ADCY7: variants seen among roughly 807,000 people sequenced by gnomAD.
The protein encoded by ADCY7 is adenylate cyclase 7.
A neutral mutation model predicts 120.6 loss-of-function variants in ADCY7; 72 were observed. The ratio of observed to expected loss-of-function variants is 0.60; its 90% CI spans 0.49 to 0.73. ADCY7 has a LOEUF of 0.73. Ranked by LOEUF, ADCY7 falls within the 30% of genes least tolerant of loss-of-function variation. The pLI, the probability that ADCY7 is intolerant of heterozygous loss-of-function variation, is 0.00. For synonymous variants in ADCY7, 661 were observed against 628.0 expected (o/e 1.05, Z -0.78); for missense variants, 1,227 against 1,486.0 (o/e 0.83, Z 2.87).
intron 18 of ADCY7, among the ~76,000 whole-genome samples, chr16:50,310,114 C>T (rs2036353192): frequency 6.6e-6 from 1 of 152,182 alleles, no homozygotes; most frequent in Non-Finnish European, 1.5e-5. Context: ...GTGCAGTGAG[C>T]TGGGCTCTAA....
chr16:50,305,008 A>C, intron 12 of ADCY7, 49 bp downstream of exon 12: 1 of 1,609,660 alleles, frequency 6.2e-7, no homozygotes, highest in Non-Finnish European at 8.5e-7. Context: ...CACCTCCTCC[A>C]AGCAGGCTGC....
chr16:50,299,525 G>A (rs540649426), intron 8 of ADCY7, among the ~76,000 whole-genome samples: 329 of 152,338 alleles, frequency 2.2e-3, no homozygotes, highest in Admixed American at 7.5e-3. Flanking sequence ...GGAATTTGCC[G>A]AGAGGGCTGT....
intron 23 of ADCY7, 42 bp from the exon 24 acceptor site, chr16:50,314,250 G>A (rs2036658449): frequency 1.9e-6 from 3 of 1,588,200 alleles, no homozygotes; most frequent in East Asian, 2.2e-5. Flanking sequence ...AGGTCTGGGG[G>A]CTCTGGAGAT....
In ADCY7 at chr16:50,314,831, G is replaced by C. The variant is rs566228821; in HGVS notation, c.2972-183G>C. 25 of 682,630 alleles carry C rather than the reference G, an allele frequency of 3.7e-5. No individual in the cohort carries two copies. The South Asian group carries it at 4.2e-4, about 11-fold the overall frequency. The allele number at this position is 682,630 out of a possible 1,614,324, so 42.3% of individuals were successfully genotyped here. A position where few individuals can be genotyped will look rare whatever the true frequency, so the allele number is the denominator to read the frequency against. On this transcript the variant is annotated intron_variant, in intron 24 of 25. Transcript: ENST00000673801. ...CTGAGTCTGAAAAAGAGCTGGCCGG[G>C]GAATGCCCTCCTCATACCCCAAGCC...
intron 1 of ADCY7, among the ~76,000 whole-genome samples, chr16:50,249,105 T>C (rs1314221788): frequency 1.3e-5 from 2 of 152,192 alleles, no homozygotes; most frequent in Admixed American, 1.3e-4. Context: ...GCCTTCTTCC[T>C]GTAAGCCTTC....
Position 50,315,623 on chromosome 16 carries a change from G to A in ADCY7, c.*118G>A. The A allele has an allele frequency of 2.3e-6, 3 of 1,303,540 alleles. No homozygotes were observed. Among genetic ancestry groups the A allele is most frequent in the Non-Finnish European group, 3.2e-6 (3 of 949,622 alleles). The allele number at this position is 1,303,540 out of a possible 1,614,324, so 80.7% of individuals were successfully genotyped here. ...AGGCATGCAGATGGCTGTGCATGTTGGCTTCTTTGGACCTGCACTGGAGGA... is the reference window on the plus strand; with the variant it reads ...AGGCATGCAGATGGCTGTGCATGTTAGCTTCTTTGGACCTGCACTGGAGGA... On this transcript the variant is annotated 3_prime_UTR_variant, in exon 26 of 26. Transcript: ENST00000673801.
intron 12 of ADCY7, 59 bp from the exon 13 acceptor site, chr16:50,305,444 C>A: frequency 6.7e-7 from 1 of 1,486,528 alleles, no homozygotes; most frequent in Non-Finnish European, 9.4e-7. Flanking sequence ...TCCACACCCT[C>A]CTCTGGGAGA....
chr16:50,310,895 G>A lies in ADCY7; in HGVS notation c.2354+15G>A, dbSNP rs575276246. 170 of 1,566,402 alleles carry A rather than the reference G, an allele frequency of 1.1e-4. No individual in the cohort carries two copies. The highest frequency in any genetic ancestry group is 5.9e-4 in the East Asian group (25 of 42,346). The stretch of plus-strand genomic sequence containing the variant: ...GGCACCACCAGGTGGGGTCCCGCCC[G>A]TCCCCGTCCCCATCCCCATGGTGGC... On this transcript the variant is annotated intron_variant, in intron 19 of 25. Transcript: ENST00000673801.
chr16:50,278,698 G>A lies in ADCY7; in HGVS notation c.-268-9214G>A, dbSNP rs536059915. 4.6e-5 allele frequency among the ~76,000 whole-genome samples: 7 copies of A among 152,238 alleles called. No homozygotes were observed. In the South Asian group the frequency reaches 1.5e-3, roughly 32 times the overall value. On this transcript the variant is annotated intron_variant, in intron 1 of 25. Coordinates refer to ENST00000673801, the MANE Select transcript of ADCY7 (RefSeq NM_001114.5). ...CTTGCTCTCTTTGGAAATAATCCTGGTATAAGTTGTGAATCCAGCTTGCTT... is the reference window on the plus strand; with the variant it reads ...CTTGCTCTCTTTGGAAATAATCCTGATATAAGTTGTGAATCCAGCTTGCTT...
chr16:50,304,932 C>T lies in ADCY7; in HGVS notation c.1568C>T (p.Pro523Leu), dbSNP rs1249121179. The T allele has an allele frequency of 6.2e-7, 1 of 1,613,572 alleles. No individual in the cohort carries two copies. ...TCCTCCCTTCCCTTTCAGAGCGTTCCCCAGCGCCACCGCCGGACCCCAGAC... is the reference window on the plus strand; with the variant it reads ...TCCTCCCTTCCCTTTCAGAGCGTTCTCCAGCGCCACCGCCGGACCCCAGAC... ...VPNGRRPKSVPQRHRRTPDRS... is the reference protein window; with the variant it reads ...VPNGRRPKSVLQRHRRTPDRS... The change falls in exon 12 of 26, where the codon CCC becomes CTC. Residue 523 changes from proline (P) to leucine (L), a missense_variant. This residue lies in a region of ADCY7 where 332 missense variants were observed against 455.8 expected (regional missense o/e 0.73). Coordinates refer to ENST00000673801, the MANE Select transcript of ADCY7 (RefSeq NM_001114.5).
chr16:50,258,839 C>T (rs892441411), intron 1 of ADCY7, among the ~76,000 whole-genome samples: 1 of 152,012 alleles, frequency 6.6e-6, no homozygotes, highest in Non-Finnish European at 1.5e-5. Flanking sequence ...CTCCTGATCT[C>T]CCTGTCTTGG....
chr16:50,272,900 G>A (rs973195440), intron 1 of ADCY7, among the ~76,000 whole-genome samples: 1 of 152,188 alleles, frequency 6.6e-6, no homozygotes, highest in African/African-American at 2.4e-5. Context: ...CTAATGGGAA[G>A]TGGCCTCTTT....
intron 10 of ADCY7, among the ~76,000 whole-genome samples, chr16:50,302,561 C>CACCCCACCCT (rs1470757786): frequency 2.0e-5 from 3 of 151,814 alleles, no homozygotes; most frequent in East Asian, 3.9e-4. Flanking sequence ...ACCTTCCCCC[C>CACCCCACCCT]ACCCCACCCT....
chr16:50,261,432 G>A (rs2033054238), intron 1 of ADCY7, among the ~76,000 whole-genome samples: 1 of 152,210 alleles, frequency 6.6e-6, no homozygotes, highest in Admixed American at 6.5e-5. Flanking sequence ...TGGGCCAGGT[G>A]GGGGTCCCCG....
upstream of ADCY7, among the ~76,000 whole-genome samples, chr16:50,265,667 A>G (rs1262355362): frequency 1.3e-5 from 2 of 152,236 alleles, no homozygotes; most frequent in East Asian, 3.8e-4. Context: ...TTAGAAGACC[A>G]GAAGAGGGGT....
chr16:50,262,994 G>A (rs1301539762), upstream of ADCY7, among the ~76,000 whole-genome samples: 1 of 152,248 alleles, frequency 6.6e-6, no homozygotes, highest in Non-Finnish European at 1.5e-5. Context: ...GTTAGGGGTA[G>A]CCTGTCCCTA....
intron 8 of ADCY7, among the ~76,000 whole-genome samples, chr16:50,300,142 TTCACCACAACC>T (rs2035622371): frequency 6.6e-6 from 1 of 152,150 alleles, no homozygotes; most frequent in Non-Finnish European, 1.5e-5. Flanking sequence ...CGTATCTCGG[TTCACCACAACC>T]TCTGCCTCCT....
Position 50,304,619 on chromosome 16 carries a change from T to C in ADCY7, c.1560+68T>C, listed in dbSNP as rs1027297371. ...AAGCCAGGAGCAGGAGAGTGAGTGC[T>C]GAAGATCTCCTGCCCTCTCAGCCTC... is the stretch of plus-strand genomic sequence containing the variant. On this transcript the variant is annotated intron_variant, in intron 11 of 25. Transcript: ENST00000673801. The C allele has an allele frequency of 4.2e-6, 6 of 1,426,422 alleles. No homozygotes were observed. The Admixed American group carries it at 6.7e-5, about 16-fold the overall frequency. 88.4% of individuals were successfully genotyped at this position (1,426,422 alleles called of 1,614,324 possible).
Position 50,305,856 on chromosome 16 carries a change from G to T in ADCY7, c.1752+7G>T. On this transcript the variant is annotated splice_region_variant and intron_variant, in intron 14 of 25. Coordinates refer to ENST00000673801, the MANE Select transcript of ADCY7 (RefSeq NM_001114.5). ...GAAGGGCTTTGAGCGCGAGGTGAGGGCCCCCAGCAGCCTCCTCCGCAGAGG... is the reference window on the plus strand; with the variant it reads ...GAAGGGCTTTGAGCGCGAGGTGAGGTCCCCCAGCAGCCTCCTCCGCAGAGG... 1 of 1,613,440 alleles carries T rather than the reference G, an allele frequency of 6.2e-7. No individual in the cohort carries two copies. Among genetic ancestry groups the T allele is most frequent in the Non-Finnish European group, 8.5e-7 (1 of 1,179,810 alleles).
Sources: allele counts gnomAD v4.1 joint callset (sites outside exome capture counted in the v4.1 genomes callset), GRCh38; gene constraint gnomAD v4.1.1; regional missense constraint gnomAD v4.1.1; transcripts MANE v1.5; gene names NCBI Gene and HGNC (gene_info 2026-07-23, HGNC 2026-07-21).